TTC28: variants seen among roughly 807,000 people sequenced by gnomAD.
The protein encoded by TTC28 is tetratricopeptide repeat domain 28.
TTC28 carries 61 observed loss-of-function variants against 198.0 expected under a neutral mutation model. That is an observed-to-expected ratio of 0.31 (90% CI 0.25 to 0.38). The LOEUF is 0.38. Among genes scored for constraint, TTC28 ranks in the 10% least tolerant of loss-of-function variants. TTC28 has a pLI of 1.00. For missense variants in TTC28, 2,678 were observed against 3,164.0 expected, an observed-to-expected ratio of 0.85 and a Z score of 3.69; for synonymous variants, 1,171 against 1,297.8, an observed-to-expected ratio of 0.90 and a Z score of 2.10.
chr22:28,028,863 G>T, intron 13 of TTC28: 1 of 391,886 alleles, frequency 2.6e-6, no homozygotes, highest in South Asian at 1.9e-5. Context: ...AACCCTGCAG[G>T]GTAAGAAGCC....
intron 6 of TTC28, among the ~76,000 whole-genome samples, chr22:28,125,680 A>G (rs1180339695): frequency 6.6e-6 from 1 of 152,256 alleles, no homozygotes; most frequent in East Asian, 1.9e-4. Context: ...GTAGTTCATA[A>G]AGATCTGCTT....
chr22:28,291,764 T>C (rs2044792258), intron 5 of TTC28, among the ~76,000 whole-genome samples: 1 of 152,138 alleles, frequency 6.6e-6, no homozygotes, highest in Non-Finnish European at 1.5e-5. Flanking sequence ...TTTCCAGATT[T>C]TATAATACCA....
chr22:28,063,534 C>T (rs1228629629), intron 12 of TTC28, among the ~76,000 whole-genome samples: 2 of 152,130 alleles, frequency 1.3e-5, no homozygotes, highest in African/African-American at 4.8e-5. Context: ...CCCCACCCTG[C>T]CCCACTGCCC....
At chr22:28,533,734 A>T (rs1253646600) in intron 2 of TTC28, among the ~76,000 whole-genome samples, 1 of 152,228 alleles carries the variant, frequency 6.6e-6, no homozygotes, top group African/African-American at 2.4e-5. Flanking sequence ...GGAACAAAAC[A>T]GAGCCCTCTG....
At chr22:27,994,280 C>T (rs545970069) in intron 17 of TTC28, among the ~76,000 whole-genome samples, 1 of 152,268 alleles carries the variant, frequency 6.6e-6, no homozygotes, top group East Asian at 1.9e-4. Context: ...CCCAGCTCTA[C>T]ACCCCACCCC....
rs554046005 is a variant in TTC28, at chr22:28,336,375, C to G, written c.382-29732G>C. 3.9e-5 allele frequency among the ~76,000 whole-genome samples: 6 copies of G among 152,268 alleles called. No individual in the cohort carries two copies. The South Asian group carries it at 1.2e-3, about 32-fold the overall frequency. On this transcript the variant is annotated intron_variant, in intron 2 of 22. Transcript: ENST00000397906. ...CATAAAATGAGTTAGGGAGGATTCCCTCTTTTTCTATTGATTGGAATAGTT... is the reference window on the plus strand; with the variant it reads ...CATAAAATGAGTTAGGGAGGATTCCGTCTTTTTCTATTGATTGGAATAGTT...
intron 5 of TTC28, among the ~76,000 whole-genome samples, chr22:28,183,731 G>C (rs1354262977): frequency 6.6e-6 from 1 of 151,890 alleles, no homozygotes; most frequent in African/African-American, 2.4e-5. Flanking sequence ...AATGATACTA[G>C]TTTTCATTTA....
intron 2 of TTC28, among the ~76,000 whole-genome samples, chr22:28,614,584 A>G (rs2050871473): frequency 6.6e-6 from 1 of 152,230 alleles, no homozygotes; most frequent in Admixed American, 6.5e-5. Context: ...TGGTACTGGT[A>G]CCAAAACAGA....
At chr22:28,250,720 C>G (rs1242789726) in intron 5 of TTC28, among the ~76,000 whole-genome samples, 1 of 152,166 alleles carries the variant, frequency 6.6e-6, no homozygotes. Context: ...AGTATAGACA[C>G]AACCATTTAT....
intron 2 of TTC28, among the ~76,000 whole-genome samples, chr22:28,621,759 A>G (rs796587272): frequency 4.6e-3 from 669 of 144,748 alleles, no homozygotes; most frequent in African/African-American, 6.3e-3. Flanking sequence ...AAAAAAAAAA[A>G]AAAGAAAGAA....
At chr22:28,359,316 G>C (rs916726702) in intron 2 of TTC28, among the ~76,000 whole-genome samples, 14 of 152,106 alleles carry the variant, frequency 9.2e-5, no homozygotes, top group African/African-American at 2.7e-4. Flanking sequence ...TGGTTTGTTT[G>C]ACTGTAGTCA....
intron 11 of TTC28, among the ~76,000 whole-genome samples, chr22:28,094,824 T>C (rs1464611826): frequency 6.6e-6 from 1 of 152,180 alleles, no homozygotes; most frequent in Non-Finnish European, 1.5e-5. Flanking sequence ...ATTGAGGCAG[T>C]CCACAGTGGT....
intron 2 of TTC28, among the ~76,000 whole-genome samples, chr22:28,454,062 A>T (rs1011168333): frequency 6.6e-6 from 1 of 152,102 alleles, no homozygotes; most frequent in Non-Finnish European, 1.5e-5. Context: ...TTCCTGAGGG[A>T]TAGGTATTTC....
chr22:28,228,681 C>G (rs1928551457), intron 5 of TTC28, among the ~76,000 whole-genome samples: 1 of 151,828 alleles, frequency 6.6e-6, no homozygotes, highest in Non-Finnish European at 1.5e-5. Flanking sequence ...GCCTGGGCAA[C>G]AGAACAGGAC....
intron 2 of TTC28, among the ~76,000 whole-genome samples, chr22:28,437,572 C>A (rs937298320): frequency 6.6e-6 from 1 of 151,868 alleles, no homozygotes; most frequent in Non-Finnish European, 1.5e-5. Flanking sequence ...AACAGATATG[C>A]ATTTTTTTTG....
At chr22:28,374,676 T>TTTTG (rs922528787) in intron 2 of TTC28, among the ~76,000 whole-genome samples, 66 of 152,108 alleles carry the variant, frequency 4.3e-4, no homozygotes, top group South Asian at 2.9e-3. Flanking sequence ...ATATTAAGTT[T>TTTTG]TTTGTTTGTT....
chr22:28,511,517 T>C (rs6519753), intron 2 of TTC28, among the ~76,000 whole-genome samples: 15,187 of 152,142 alleles, frequency 0.1, 860 homozygotes, highest in African/African-American at 0.12. Flanking sequence ...TCAAGATGGA[T>C]TAAACACTTA....
intron 2 of TTC28, among the ~76,000 whole-genome samples, chr22:28,358,661 T>C (rs761367456): frequency 2.0e-5 from 3 of 152,226 alleles, no homozygotes; most frequent in Admixed American, 1.3e-4. Context: ...TACCCTCGTA[T>C]ATCACAAAAT....
intron 5 of TTC28, among the ~76,000 whole-genome samples, chr22:28,288,623 C>T (rs915617728): frequency 6.6e-6 from 1 of 151,100 alleles, no homozygotes; most frequent in Non-Finnish European, 1.5e-5. Flanking sequence ...CTGGCTAACA[C>T]GGTGAAACCC....
Sources: allele counts gnomAD v4.1 joint callset (sites outside exome capture counted in the v4.1 genomes callset), GRCh38; gene constraint gnomAD v4.1.1; transcripts MANE v1.5; gene names NCBI Gene and HGNC (gene_info 2026-07-23, HGNC 2026-07-21).